Variants in SMOC1 observed in about 807,000 individuals in gnomAD.
SMOC1 encodes SPARC related modular calcium binding 1, also known as SPARC-related modular calcium-binding protein 1.
A neutral mutation model predicts 56.3 loss-of-function variants in SMOC1; 22 were observed. That is an observed-to-expected ratio of 0.39 (90% CI 0.28 to 0.56). The LOEUF (loss-of-function observed/expected upper bound fraction) is 0.56, where lower values mean the gene tolerates loss of function less well. Ranked by LOEUF, SMOC1 falls within the 20% of genes least tolerant of loss-of-function variation. The pLI, the probability that SMOC1 is intolerant of heterozygous loss-of-function variation, is 0.61. For synonymous variants in SMOC1, 193 were observed against 215.0 expected, an observed-to-expected ratio of 0.90 and a Z score of 0.89; for missense variants, 509 against 565.4, an observed-to-expected ratio of 0.90 and a Z score of 1.01.
At chr14:69,905,129 T>C (rs940332961) in intron 1 of SMOC1, among the ~76,000 whole-genome samples, 1 of 152,150 alleles carries the variant, frequency 6.6e-6, no homozygotes, top group African/African-American at 2.4e-5. Flanking sequence ...GAAAATGTTA[T>C]GTGTAAGAAC....
At chr14:69,906,253 C>T (rs1566668404) in intron 1 of SMOC1, among the ~76,000 whole-genome samples, 1 of 152,310 alleles carries the variant, frequency 6.6e-6, no homozygotes, top group Admixed American at 6.5e-5. Context: ...TAGGAGACTT[C>T]CAAGGCTAGG....
intron 1 of SMOC1, among the ~76,000 whole-genome samples, chr14:69,936,744 T>G (rs1279404071): frequency 6.6e-6 from 1 of 152,200 alleles, no homozygotes. Flanking sequence ...AAACAGGTGT[T>G]TTTTAGGAAA....
At chr14:69,905,451 A>G (rs185768411) in intron 1 of SMOC1, among the ~76,000 whole-genome samples, 6 of 152,346 alleles carry the variant, frequency 3.9e-5, no homozygotes, top group Non-Finnish European at 5.9e-5. Flanking sequence ...GCACCTACAC[A>G]CAAAGGAACG....
chr14:69,981,052 AGAG>A (rs1884162048), intron 5 of SMOC1, among the ~76,000 whole-genome samples: 1 of 151,184 alleles, frequency 6.6e-6, no homozygotes, highest in Non-Finnish European at 1.5e-5. Flanking sequence ...TCTCTGAAGG[AGAG>A]GAGGAGAAAG....
chr14:69,889,492 A>G (rs540920037), intron 1 of SMOC1, among the ~76,000 whole-genome samples: 1 of 152,134 alleles, frequency 6.6e-6, no homozygotes, highest in Non-Finnish European at 1.5e-5. Flanking sequence ...CTTAAGTGTG[A>G]GTCTGGCTCT....
chr14:69,881,527 G>C (rs1883638832), intron 1 of SMOC1, among the ~76,000 whole-genome samples: 1 of 152,156 alleles, frequency 6.6e-6, no homozygotes. Flanking sequence ...GTTCCTTCCA[G>C]CTCCTCTAGT....
At chr14:69,882,143 A>T (rs1261646673) in intron 1 of SMOC1, among the ~76,000 whole-genome samples, 1 of 151,842 alleles carries the variant, frequency 6.6e-6, no homozygotes, top group Non-Finnish European at 1.5e-5. Flanking sequence ...ATCCCCAAAG[A>T]CTCCAGTTCT....
chr14:69,952,661 C>T (rs1594820198), intron 2 of SMOC1, among the ~76,000 whole-genome samples: 1 of 152,082 alleles, frequency 6.6e-6, no homozygotes, highest in Admixed American at 6.5e-5. Flanking sequence ...GGTCTGTTTG[C>T]CTGTTTAAAA....
At position 69,953,403 on chromosome 14, in the gene SMOC1, C is replaced by T. The variant is rs764706469; in HGVS notation, c.266-17C>T. 2 of 1,611,994 alleles carry T rather than the reference C, an allele frequency of 1.2e-6. No homozygotes were observed. Among genetic ancestry groups the T allele is most frequent in the South Asian group, 2.2e-5 (2 of 91,052 alleles). On this transcript the variant is annotated splice_polypyrimidine_tract_variant and intron_variant, in intron 2 of 11. Transcript: ENST00000361956. ...GAATCCAAGTGAAATATGAAATCTG[C>T]TCCTCTCCTCTTTCAGATGCTGGCC...
intron 1 of SMOC1, among the ~76,000 whole-genome samples, chr14:69,886,302 G>A (rs1372511882): frequency 2.0e-5 from 3 of 152,194 alleles, no homozygotes; most frequent in African/African-American, 4.8e-5. Context: ...TGCATGATCT[G>A]TTTTGTTAAA....
At chr14:69,957,058 A>T (rs1224576990) in intron 3 of SMOC1, among the ~76,000 whole-genome samples, 2 of 152,206 alleles carry the variant, frequency 1.3e-5, no homozygotes, top group Non-Finnish European at 2.9e-5. Flanking sequence ...CAGGAGCTAT[A>T]GGCTTTGTCC....
intron 1 of SMOC1, among the ~76,000 whole-genome samples, chr14:69,916,398 C>T (rs1249600484): frequency 6.6e-6 from 1 of 152,264 alleles, no homozygotes; most frequent in East Asian, 1.9e-4. Context: ...CTCTTTTCAG[C>T]CTTTGGGCTC....
intron 1 of SMOC1, among the ~76,000 whole-genome samples, chr14:69,933,380 C>T (rs140883869): frequency 6.5e-4 from 99 of 151,586 alleles, no homozygotes; most frequent in South Asian, 1.5e-3. Flanking sequence ...TTTTTCACTA[C>T]GGTTAGTTAA....
intron 3 of SMOC1, among the ~76,000 whole-genome samples, chr14:69,974,868 C>T (rs909594006): frequency 3.3e-5 from 5 of 152,030 alleles, no homozygotes; most frequent in Admixed American, 1.3e-4. Context: ...GCCTTAATCC[C>T]GTCATGTGTG....
intron 10 of SMOC1, among the ~76,000 whole-genome samples, chr14:70,020,025 T>C (rs59662605): frequency 0.23 from 35,326 of 151,686 alleles, 4,576 homozygotes; most frequent in East Asian, 0.41. Flanking sequence ...CCCCAAACCC[T>C]TCCAGCTACT....
At chr14:69,985,098 A>G (rs575293821) in intron 5 of SMOC1, among the ~76,000 whole-genome samples, 4 of 152,252 alleles carry the variant, frequency 2.6e-5, no homozygotes, top group Non-Finnish European at 5.9e-5. Context: ...CATTTCACCA[A>G]TTTCACCAAG....
chr14:70,017,589 G>T (rs1247369546), intron 10 of SMOC1, among the ~76,000 whole-genome samples: 1 of 152,188 alleles, frequency 6.6e-6, no homozygotes, highest in African/African-American at 2.4e-5. Flanking sequence ...GTGGGAAAAA[G>T]GGATAGAAGA....
chr14:69,886,151 G>C, intron 1 of SMOC1: 2 of 1,349,364 alleles, frequency 1.5e-6, no homozygotes, highest in Non-Finnish European at 2.1e-6. Flanking sequence ...CTTGGGCAGC[G>C]GGAGGAGAGA....
chr14:70,018,418 T>C (rs558345208), intron 10 of SMOC1, among the ~76,000 whole-genome samples: 21 of 152,240 alleles, frequency 1.4e-4, no homozygotes, highest in African/African-American at 4.8e-4. Flanking sequence ...GATCTAAAAA[T>C]AGGCAGAGTA....
Sources: gnomAD v4.1 joint callset for allele counts (sites outside exome capture counted in the v4.1 genomes callset) on GRCh38, gnomAD v4.1.1 for gene constraint, MANE v1.5 for transcripts, NCBI Gene and HGNC (gene_info 2026-07-23, HGNC 2026-07-21) for gene names.